The following SLC1A2 variants were observed in gnomAD, a reference collection of about 807,000 sequenced individuals.
The protein encoded by SLC1A2 is solute carrier family 1 member 2, also known as excitatory amino acid transporter 2.
Under a neutral mutation model 48.8 loss-of-function variants are expected in SLC1A2, and 15 were observed. The ratio of observed to expected loss-of-function variants is 0.31; its 90% CI spans 0.21 to 0.47. SLC1A2 has a LOEUF of 0.47. SLC1A2 is among the 20% of genes least tolerant of loss of function. The probability of loss-of-function intolerance (pLI) is 0.99; values close to 1 mark genes in which losing one functional copy is unlikely to be tolerated. For missense variants in SLC1A2, 502 were observed against 730.5 expected (o/e 0.69, Z 3.61); for synonymous variants, 279 against 272.6 (o/e 1.02, Z -0.23).
intron 9 of SLC1A2, among the ~76,000 whole-genome samples, chr11:35,266,017 G>T (rs1950478081): frequency 6.6e-6 from 1 of 152,170 alleles, no homozygotes; most frequent in African/African-American, 2.4e-5. Flanking sequence ...AAAATGTCTG[G>T]CAAATGGTAA....
At chr11:35,389,711 C>T (rs1854702550) in intron 1 of SLC1A2, among the ~76,000 whole-genome samples, 1 of 152,102 alleles carries the variant, frequency 6.6e-6, no homozygotes, top group Non-Finnish European at 1.5e-5. Flanking sequence ...CTCAGGTGAT[C>T]CACCCATCTC....
At chr11:35,289,124 A>G (rs79039406) in intron 7 of SLC1A2, among the ~76,000 whole-genome samples, 2,580 of 152,294 alleles carry the variant, frequency 0.017, 23 homozygotes, top group South Asian at 0.046. Flanking sequence ...AACAGACTGC[A>G]CTGAAGTTGG....
chr11:35,352,306 G>A (rs1183324410), intron 1 of SLC1A2: 3 of 152,170 alleles, frequency 2.0e-5, no homozygotes, highest in African/African-American at 7.2e-5. Context: ...TTCTGATGTT[G>A]AGTGAAGAAT....
At chr11:35,400,273 GAT>G (rs1855095321) in intron 1 of SLC1A2, among the ~76,000 whole-genome samples, 1 of 152,140 alleles carries the variant, frequency 6.6e-6, no homozygotes, top group South Asian at 2.1e-4. Flanking sequence ...AACAATAGGA[GAT>G]AGTTTGTAAA....
chr11:35,272,517 G>T (rs1026335099), intron 9 of SLC1A2, among the ~76,000 whole-genome samples: 19 of 152,212 alleles, frequency 1.2e-4, no homozygotes. Context: ...CACCCTTGAG[G>T]CTGCCAGGGG....
intron 1 of SLC1A2, among the ~76,000 whole-genome samples, chr11:35,362,594 A>G (rs1440208179): frequency 6.6e-6 from 1 of 152,222 alleles, no homozygotes; most frequent in East Asian, 1.9e-4. Flanking sequence ...TTCCATCAAT[A>G]CATGTGAAAG....
At chr11:35,409,475 T>A (rs573660710) in intron 1 of SLC1A2, among the ~76,000 whole-genome samples, 1 of 152,324 alleles carries the variant, frequency 6.6e-6, no homozygotes, top group East Asian at 1.9e-4. Flanking sequence ...AGAAATTAGA[T>A]TAATGTAACT....
At chr11:35,362,437 C>T (rs1853714323) in intron 1 of SLC1A2, among the ~76,000 whole-genome samples, 1 of 152,184 alleles carries the variant, frequency 6.6e-6, no homozygotes, top group South Asian at 2.1e-4. Flanking sequence ...TCTTTTGGAG[C>T]ACCACCTGAG....
At chr11:35,403,994 C>A (rs1185055452) in intron 1 of SLC1A2, among the ~76,000 whole-genome samples, 1 of 88,174 alleles carries the variant, frequency 1.1e-5, no homozygotes, top group Admixed American at 1.2e-4. Context: ...AGTCTCTGCT[C>A]CTCCACGGGC....
intron 1 of SLC1A2, among the ~76,000 whole-genome samples, chr11:35,355,311 A>C (rs1170445017): frequency 6.6e-6 from 1 of 152,206 alleles, no homozygotes; most frequent in Non-Finnish European, 1.5e-5. Context: ...TCAGAATCTC[A>C]GCATCAGAGA....
In SLC1A2 at chr11:35,260,554, C is replaced by T; in HGVS notation, c.*340G>A. 6.5e-6 allele frequency: 2 copies of T among 309,072 alleles called. No individual in the cohort carries two copies. The highest frequency in any genetic ancestry group is 7.0e-5 in the South Asian group (2 of 28,648). The allele number at this position is 309,072 out of a possible 1,614,324, so 19.1% of individuals were successfully genotyped here. On this transcript the variant is annotated 3_prime_UTR_variant, in exon 11 of 11. Coordinates refer to ENST00000278379, the MANE Select transcript of SLC1A2 (RefSeq NM_004171.4). ...CTGGAGTGTACCACACTGCTTTACT[C>T]ATGTCCCCTGGGAAAAGAGCATCCA...
At chr11:35,286,570 A>G in intron 8 of SLC1A2, 187 bp downstream of exon 8, 1 of 473,092 alleles carries the variant, frequency 2.1e-6, no homozygotes, top group Non-Finnish European at 3.8e-6. Flanking sequence ...AACAGGAGGT[A>G]TTAATAAGAG....
chr11:35,279,605 G>T (rs1351829920), intron 9 of SLC1A2, among the ~76,000 whole-genome samples: 1 of 152,118 alleles, frequency 6.6e-6, no homozygotes, highest in Non-Finnish European at 1.5e-5. Context: ...TTACCTATTG[G>T]TTATGATTCA....
intron 6 of SLC1A2, 62 bp downstream of exon 6, chr11:35,301,457 T>C (rs1851352860): frequency 5.8e-6 from 9 of 1,550,202 alleles, no homozygotes; most frequent in Non-Finnish European, 7.1e-6. Flanking sequence ...AGCTCCAGTA[T>C]CCTCTGGGGA....
intron 1 of SLC1A2, among the ~76,000 whole-genome samples, chr11:35,338,680 T>C (rs1852724887): frequency 6.6e-6 from 1 of 152,190 alleles, no homozygotes; most frequent in Non-Finnish European, 1.5e-5. Flanking sequence ...GTCCTAATAA[T>C]AAGATTTTAG....
At chr11:35,393,516 G>A (rs1056258934) in intron 1 of SLC1A2, among the ~76,000 whole-genome samples, 1 of 152,142 alleles carries the variant, frequency 6.6e-6, no homozygotes, top group East Asian at 1.9e-4. Flanking sequence ...ATCCCCCAGT[G>A]TGTGGCATCT....
rs75575912 is a variant in SLC1A2, at chr11:35,280,810, G to T, written c.1421+57C>A. 8.6e-6 allele frequency: 11 copies of T among 1,273,154 alleles called. No homozygotes were observed. In the East Asian group the frequency reaches 2.6e-4, roughly 30 times the overall value. 78.9% of individuals were successfully genotyped at this position (1,273,154 alleles called of 1,614,324 possible). On this transcript the variant is annotated intron_variant, in intron 9 of 10. Coordinates refer to ENST00000278379, the MANE Select transcript of SLC1A2 (RefSeq NM_004171.4). ...TCTTGGTTGCAACCTTGCCACCTGTGCATCCCTAGGAGGCAGTACTCACAG... is the reference window on the plus strand; with the variant it reads ...TCTTGGTTGCAACCTTGCCACCTGTTCATCCCTAGGAGGCAGTACTCACAG...
intron 1 of SLC1A2, among the ~76,000 whole-genome samples, chr11:35,410,307 C>T (rs747012923): frequency 7.9e-5 from 12 of 152,214 alleles, no homozygotes; most frequent in South Asian, 4.1e-4. Flanking sequence ...CTACTGTTCT[C>T]CCAATTTTCA....
intron 7 of SLC1A2, among the ~76,000 whole-genome samples, chr11:35,290,104 C>T (rs1850948985): frequency 6.6e-6 from 1 of 152,126 alleles, no homozygotes; most frequent in Non-Finnish European, 1.5e-5. Flanking sequence ...ATGGGCACAC[C>T]CTCAAACCCC....
Sources: allele counts gnomAD v4.1 joint callset (sites outside exome capture counted in the v4.1 genomes callset), GRCh38; gene constraint gnomAD v4.1.1; transcripts MANE v1.5; gene names NCBI Gene and HGNC (gene_info 2026-07-23, HGNC 2026-07-21).